Variants in WNK4 observed in about 807,000 individuals in gnomAD.
WNK4 encodes the protein serine/threonine-protein kinase WNK4.
WNK4 carries 94 observed loss-of-function variants against 116.2 expected under a neutral mutation model. The observed-to-expected ratio is 0.81, with a 90% CI of 0.68 to 0.96. The LOEUF is 0.96. WNK4 is among the 40% of genes least tolerant of loss of function. The pLI is 0.00. For synonymous variants in WNK4, 655 were observed against 672.7 expected (o/e 0.97, Z 0.41); for missense variants, 1,542 against 1,650.6 (o/e 0.93, Z 1.14).
At chr17:42,794,153 C>T in intron 12 of WNK4, 1 of 322,146 alleles carries the variant, frequency 3.1e-6, no homozygotes, top group Non-Finnish European at 5.9e-6. Context: ...CGTGCCTGGC[C>T]TAAAACAGTG....
chr17:42,795,300 T>A lies in WNK4; in HGVS notation c.2879T>A (p.Leu960His). 6.2e-7 allele frequency: 1 copy of A among 1,612,814 alleles called. No individual in the cohort carries two copies. Among genetic ancestry groups the A allele is most frequent in the South Asian group, 1.1e-5 (1 of 91,014 alleles). Residue 960 changes from leucine (L) to histidine (H), a missense_variant, in exon 14 of 19, where the codon CTC (leucine) becomes CAC (histidine). Physicochemically the swap from Leu to His is moderately conservative, Grantham distance 99. Coordinates refer to ENST00000246914, the MANE Select transcript of WNK4 (RefSeq NM_032387.5). ...SQSPPAPPSP[L>H]PSLPLPPPVA... ...TCTCCTCCAGCCCCTCCTAGTCCCCTCCCTAGCCTGCCCCTTCCCCCTCCC... is the reference window on the plus strand; with the variant it reads ...TCTCCTCCAGCCCCTCCTAGTCCCCACCCTAGCCTGCCCCTTCCCCCTCCC...
chr17:42,796,293 G>T lies in WNK4; in HGVS notation c.3602G>T (p.Ser1201Ile), dbSNP rs539950797. 6.2e-7 allele frequency: 1 copy of T among 1,612,642 alleles called. No homozygotes were observed. Among genetic ancestry groups the T allele is most frequent in the Non-Finnish European group, 8.5e-7 (1 of 1,179,448 alleles). The change falls in exon 17 of 19, where the codon AGC (serine) becomes ATC (isoleucine). Residue 1201 changes from serine to isoleucine, a missense_variant. Physicochemically the swap from Ser to Ile is moderately radical, Grantham distance 142 (BLOSUM62 -2). This residue lies in a region of WNK4 where 148 missense variants were observed against 157.2 expected (regional missense o/e 0.94). Coordinates refer to ENST00000246914, the MANE Select transcript of WNK4 (RefSeq NM_032387.5). ...AGCTTCCCCACCTCCCGCCGCAACA[G>T]CCTACAGCGCTCTGAGCCCCCAGGC... ...KGSFPTSRRNSLQRSEPPGPG... is the reference protein window; with the variant it reads ...KGSFPTSRRNILQRSEPPGPG...
At chr17:42,795,410 A>T (rs1385614354) in intron 14 of WNK4, 28 bp downstream of exon 14, 1 of 1,614,094 alleles carries the variant, frequency 6.2e-7, no homozygotes, top group East Asian at 2.2e-5. Context: ...AGGGATGATT[A>T]GGGAGACTCC....
At position 42,795,634 on chromosome 17, in the gene WNK4, C is replaced by G. The variant is rs61755628; in HGVS notation, c.3032C>G (p.Pro1011Arg). The stretch of plus-strand genomic sequence containing the variant: ...CCTCGTCGCCCTACAGAGGGAAAGC[C>G]GCAGCTTGTTGGGCGTTTCCAAGTG... Reference protein sequence around the residue: ...RLAPISEEGKPQLVGRFQVTS... With the variant: ...RLAPISEEGKRQLVGRFQVTS... The change falls in exon 16 of 19, where the codon CCG becomes CGG. Residue 1011 changes from proline (P) to arginine (R), a missense_variant. Coordinates refer to ENST00000246914, the MANE Select transcript of WNK4 (RefSeq NM_032387.5). 8.7e-5 allele frequency: 141 copies of G among 1,613,798 alleles called. No homozygotes were observed. In the African/African-American group the frequency reaches 1.9e-3, roughly 21 times the overall value.
At chr17:42,788,511 G>T in intron 10 of WNK4, 104 bp downstream of exon 10, 1 of 1,282,086 alleles carries the variant, frequency 7.8e-7, no homozygotes, top group Admixed American at 1.7e-5. Flanking sequence ...AGCAGTGTAT[G>T]ACTAGTACTC....
At chr17:42,793,751 T>C (rs367832312) in intron 12 of WNK4, 22 bp downstream of exon 12, 11 of 1,613,488 alleles carry the variant, frequency 6.8e-6, no homozygotes, top group Non-Finnish European at 8.5e-6. Flanking sequence ...TGGTGGACAC[T>C]TCCAGGGGAA....
At chr17:42,794,565 T>C (rs762298270) in intron 12 of WNK4, 49 bp from the exon 13 acceptor site, 3 of 1,609,916 alleles carry the variant, frequency 1.9e-6, no homozygotes, top group Non-Finnish European at 8.5e-7. Context: ...ACCTTCCATC[T>C]CAGACTGCTC....
In WNK4 at chr17:42,782,666, C is replaced by A. The variant is rs2054497616; in HGVS notation, c.619-92C>A. The stretch of plus-strand genomic sequence containing the variant: ...CCCCACCCCATCTGTGGGCTCCAAC[C>A]CTCACCTCTTCCCCCAACCCCACTC... On this transcript the variant is annotated intron_variant, in intron 1 of 18. Transcript: ENST00000246914. The surrounding 1 kb of genome is among the most constrained non-coding windows in gnomAD (Gnocchi z 4.2). 4 of 1,483,790 alleles carry A rather than the reference C, an allele frequency of 2.7e-6. No individual in the cohort carries two copies. The highest frequency in any genetic ancestry group is 2.4e-5 in the East Asian group (1 of 42,134). 91.9% of individuals were successfully genotyped at this position (1,483,790 alleles called of 1,614,324 possible).
chr17:42,781,448 T>G, intron 1 of WNK4, 132 bp downstream of exon 1: 2 of 1,224,156 alleles, frequency 1.6e-6, no homozygotes, highest in Non-Finnish European at 2.3e-6. Flanking sequence ...TAGACACCTC[T>G]GCTGTCTTTG....
rs546729902 is a variant in WNK4 at position 42,782,694 on chromosome 17, G to C, written c.619-64G>C. The C allele has an allele frequency of 7.3e-5, 117 of 1,596,666 alleles. 3 individuals are homozygous for C. Among genetic ancestry groups the C allele is most frequent in the Middle Eastern group, 5.0e-4 (3 of 5,984 alleles). On this transcript the variant is annotated intron_variant, in intron 1 of 18. Transcript: ENST00000246914. This position sits in a 1 kb window ranked among gnomAD's most constrained non-coding sequence, Gnocchi z 4.2. ...CACCTCTTCCCCCAACCCCACTCCA[G>C]GTGTCCCTCTTCCTTTCTGTGGGTG...
intron 17 of WNK4, 59 bp downstream of exon 17, chr17:42,796,381 T>C (rs61755634): frequency 2.0e-5 from 32 of 1,611,818 alleles, no homozygotes; most frequent in African/African-American, 2.7e-5. Context: ...TGTCGACTGT[T>C]TTTCTCCAGG....
chr17:42,796,668 T>A lies in WNK4; in HGVS notation c.3730-18T>A. On this transcript the variant is annotated intron_variant, in intron 18 of 18. Coordinates refer to ENST00000246914, the MANE Select transcript of WNK4 (RefSeq NM_032387.5). ...CCCACCTTGGAGGTTTCTTCATCAC[T>A]TTTTCTTTTCCCTCCAGTGAATTCA... 6.2e-7 allele frequency: 1 copy of A among 1,614,172 alleles called. No individual in the cohort carries two copies. Among genetic ancestry groups the A allele is most frequent in the Non-Finnish European group, 8.5e-7 (1 of 1,180,018 alleles).
chr17:42,787,443 C>T lies in WNK4; in HGVS notation c.1642C>T (p.Pro548Ser), dbSNP rs371668464. 1 of 1,614,014 alleles carries T rather than the reference C, an allele frequency of 6.2e-7. No individual in the cohort carries two copies. ...GPPPATVPMA[P>S]GPPSVFPPEP... is the part of the protein sequence containing the mutation. ...TCCACCAGCAACTGTGCCCATGGCC[C>T]CCGGTCCCCCCAGTGTCTTCCCCCC... The change falls in exon 7 of 19, where the codon CCC becomes TCC. Residue 548 changes from proline (P) to serine (S), a missense_variant. By Grantham distance (74) the Pro-to-Ser change is moderately conservative. Around this residue, in one of 7 missense-constraint regions of WNK4, gnomAD observed 808 missense variants for 873.6 expected, o/e 0.92. Coordinates refer to ENST00000246914, the MANE Select transcript of WNK4 (RefSeq NM_032387.5).
Position 42,780,999 on chromosome 17 carries a change from A to G in WNK4, c.301A>G (p.Ser101Gly). 1 of 1,610,322 alleles carries G rather than the reference A, an allele frequency of 6.2e-7. No individual in the cohort carries two copies. The highest frequency in any genetic ancestry group is 8.5e-7 in the Non-Finnish European group (1 of 1,179,232). The change falls in exon 1 of 19, where the codon AGC becomes GGC. Residue 101 changes from serine (S) to glycine (G), a missense_variant. Around this residue, in one of 7 missense-constraint regions of WNK4, gnomAD observed 243 missense variants for 217.8 expected, o/e 1.12. Transcript: ENST00000246914. The stretch of plus-strand genomic sequence containing the variant: ...TGGCCCCGCGAGGAGCCCACCGCCT[A>G]GCTCCAAAGAACCCCCCGAGGGCAC... ...GPGPARSPPPSSKEPPEGTWT... is the reference protein window; with the variant it reads ...GPGPARSPPPGSKEPPEGTWT...
In WNK4 at chr17:42,785,346, A is replaced by C; in HGVS notation, c.1340A>C (p.Asp447Ala). ...CACGTGGAACTAGCGGAGGAGGACG[A>C]CGGCGAGAAGCCGGGCCTCAAGCTC... The part of the protein sequence containing the change: ...GVHVELAEED[D>A]GEKPGLKLWL... Residue 447 changes from aspartate to alanine, a missense_variant, in exon 6 of 19, where the codon GAC (aspartate) becomes GCC (alanine). Around this residue, in one of 7 missense-constraint regions of WNK4, gnomAD observed 808 missense variants for 873.6 expected, o/e 0.92. Coordinates refer to ENST00000246914, the MANE Select transcript of WNK4 (RefSeq NM_032387.5). The C allele has an allele frequency of 1.2e-6, 2 of 1,611,000 alleles. No homozygotes were observed. The highest frequency in any genetic ancestry group is 1.7e-6 in the Non-Finnish European group (2 of 1,178,760).
chr17:42,795,280 T>G lies in WNK4; in HGVS notation c.2859T>G (p.Pro953=), dbSNP rs778185890. ...CACCTGGGCTCCTTTCCCAGTCTCC[T>G]CCAGCCCCTCCTAGTCCCCTCCCTA... ...SPSPGLLSQS[P]PAPPSPLPSL... Residue 953 remains proline (P), a synonymous_variant, in exon 14 of 19, where the codon CCT becomes CCG. Coordinates refer to ENST00000246914, the MANE Select transcript of WNK4 (RefSeq NM_032387.5). 5 of 1,613,342 alleles carry G rather than the reference T, an allele frequency of 3.1e-6. No homozygotes were observed. The Admixed American group carries it at 8.3e-5, about 27-fold the overall frequency.
At position 42,784,510 on chromosome 17, in the gene WNK4, G is replaced by A. The variant is rs771882874; in HGVS notation, c.1101G>A (p.Glu367=). The A allele has an allele frequency of 6.2e-7, 1 of 1,614,036 alleles. No individual in the cohort carries two copies. Among genetic ancestry groups the A allele is most frequent in the South Asian group, 1.1e-5 (1 of 91,048 alleles). ...DVYAFGMCML[E]MATSEYPYSE... is the part of the protein sequence containing the mutation. ...ACGCGTTCGGCATGTGCATGCTGGA[G>A]ATGGCCACCTCTGAGTACCCGTACT... Residue 367 remains glutamate, a synonymous_variant, in exon 4 of 19, where the codon GAG becomes GAA. Coordinates refer to ENST00000246914, the MANE Select transcript of WNK4 (RefSeq NM_032387.5). This position sits in a 1 kb window ranked among gnomAD's most constrained non-coding sequence, Gnocchi z 4.4.
At chr17:42,785,808 A>G (rs1402669685) in intron 6 of WNK4, among the ~76,000 whole-genome samples, 1 of 151,830 alleles carries the variant, frequency 6.6e-6, no homozygotes. Flanking sequence ...TTTTTCTTCC[A>G]ATATGATCAG....
rs1675443122 is a variant in WNK4 at position 42,784,311 on chromosome 17, A to C, written c.1013-111A>C. The C allele has an allele frequency of 1.6e-5, 25 of 1,542,728 alleles. No homozygotes were observed. Among genetic ancestry groups the C allele is most frequent in the Non-Finnish European group, 2.2e-5 (25 of 1,129,810 alleles). ...GACCTATGGCACCCACCTCAACCCC[A>C]CTGTGGGCCGGGGTCACTTGCACTC... On this transcript the variant is annotated intron_variant, in intron 3 of 18. Transcript: ENST00000246914. This position sits in a 1 kb window ranked among gnomAD's most constrained non-coding sequence, Gnocchi z 4.4.
Sources: allele counts gnomAD v4.1 joint callset (sites outside exome capture counted in the v4.1 genomes callset), GRCh38; gene constraint gnomAD v4.1.1; regional missense constraint gnomAD v4.1.1; non-coding constraint Gnocchi (gnomAD v3.1); transcripts MANE v1.5; gene names NCBI Gene and HGNC (gene_info 2026-07-23, HGNC 2026-07-21).